PCDH11Y: variants seen among roughly 807,000 people sequenced by gnomAD.
PCDH11Y encodes protocadherin 11 Y-linked.
For synonymous variants in PCDH11Y, 9 were observed against 83.6 expected (o/e 0.11, Z 4.87); for missense variants, 12 against 224.8 (o/e 0.05, Z 6.05).
At chrY:5,679,245 C>T in intron 4 of PCDH11Y, among the ~76,000 whole-genome samples, 1 of 33,096 alleles carries the variant, frequency 3.0e-5, no homozygotes, top group Non-Finnish European at 7.4e-5. Flanking sequence ...CTTCCTTCTT[C>T]TTGAGGCAAG....
intron 2 of PCDH11Y, among the ~76,000 whole-genome samples, chrY:5,342,768 T>C: frequency 3.2e-5 from 1 of 31,634 alleles, no homozygotes; most frequent in Non-Finnish European, 7.6e-5. Context: ...GGTTTTCCCT[T>C]CATAATAATG....
chrY:5,072,199 A>G (rs2052701022), intron 1 of PCDH11Y, among the ~76,000 whole-genome samples: 1 of 31,594 alleles, frequency 3.2e-5, no homozygotes, highest in African/African-American at 1.2e-4. Flanking sequence ...AGGTTTACCT[A>G]TATATGTCCT....
intron 2 of PCDH11Y, among the ~76,000 whole-genome samples, chrY:5,254,046 G>GC (rs2053007249): frequency 9.1e-5 from 3 of 32,949 alleles, no homozygotes; most frequent in Non-Finnish European, 2.2e-4. Flanking sequence ...AGGAAATCAG[G>GC]CATTTATAAT....
chrY:5,666,472 A>G (rs2053544774), intron 4 of PCDH11Y, among the ~76,000 whole-genome samples: 1 of 34,304 alleles, frequency 2.9e-5, no homozygotes, highest in African/African-American at 1.1e-4. Context: ...AACTGTCAAG[A>G]TTCTTGGATA....
At chrY:5,348,502 T>G in intron 2 of PCDH11Y, among the ~76,000 whole-genome samples, 1 of 31,829 alleles carries the variant, frequency 3.1e-5, no homozygotes, top group Non-Finnish European at 7.6e-5. Flanking sequence ...CTTTCCTCCT[T>G]GCTTACTATA....
intron 2 of PCDH11Y, among the ~76,000 whole-genome samples, chrY:5,419,156 T>G: frequency 3.0e-5 from 1 of 33,346 alleles, no homozygotes; most frequent in Non-Finnish European, 7.4e-5. Context: ...TAAAATATGA[T>G]GATATTGAAT....
intron 4 of PCDH11Y, among the ~76,000 whole-genome samples, chrY:5,672,418 AT>A (rs2053550322): frequency 7.6e-5 from 2 of 26,368 alleles, no homozygotes; most frequent in Middle Eastern, 0.019. Context: ...TTTAACTGGG[AT>A]TTTTTTTTTT....
intron 3 of PCDH11Y, among the ~76,000 whole-genome samples, chrY:5,549,249 G>A (rs2053416026): frequency 3.2e-5 from 1 of 30,811 alleles, no homozygotes; most frequent in Non-Finnish European, 7.9e-5. Context: ...GAACTTAAAC[G>A]AATTTATAAG....
At chrY:5,059,246 C>A in intron 1 of PCDH11Y, among the ~76,000 whole-genome samples, 2 of 32,935 alleles carry the variant, frequency 6.1e-5, no homozygotes, top group African/African-American at 2.4e-4. Context: ...CCACCAGTCA[C>A]ACGTTGCTGT....
At chrY:5,001,684 G>T in intron 1 of PCDH11Y, among the ~76,000 whole-genome samples, 3 of 34,382 alleles carry the variant, frequency 8.7e-5, no homozygotes, top group African/African-American at 3.4e-4. Context: ...GACTTTAGAA[G>T]AGCGGAGCGG....
intron 2 of PCDH11Y, among the ~76,000 whole-genome samples, chrY:5,489,591 G>A: frequency 6.3e-5 from 2 of 31,804 alleles, no homozygotes; most frequent in South Asian, 1.4e-3. Context: ...TAATTATTCA[G>A]CAGATAACAA....
At chrY:5,619,532 T>A in intron 4 of PCDH11Y, among the ~76,000 whole-genome samples, 1 of 33,082 alleles carries the variant, frequency 3.0e-5, no homozygotes, top group Non-Finnish European at 7.4e-5. Flanking sequence ...CAACATCAAT[T>A]TCTACACTTA....
At chrY:5,486,315 A>G in intron 2 of PCDH11Y, among the ~76,000 whole-genome samples, 2 of 32,662 alleles carry the variant, frequency 6.1e-5, no homozygotes, top group African/African-American at 2.4e-4. Context: ...TTGGAATTCA[A>G]TTGAGCCAGG....
At chrY:5,299,812 G>C in intron 2 of PCDH11Y, among the ~76,000 whole-genome samples, 3 of 31,440 alleles carry the variant, frequency 9.5e-5, no homozygotes, top group Admixed American at 6.0e-4. Context: ...ATAATAACCA[G>C]CCATGGTATT....
chrY:5,625,476 T>TAAC (rs2053505810), intron 4 of PCDH11Y, among the ~76,000 whole-genome samples: 1 of 24,731 alleles, frequency 4.0e-5, no homozygotes, highest in South Asian at 1.0e-3. Context: ...AGAGTGAAGT[T>TAAC]AGAGTGAGCA....
At chrY:5,235,007 A>G in intron 2 of PCDH11Y, among the ~76,000 whole-genome samples, 2 of 32,063 alleles carry the variant, frequency 6.2e-5, no homozygotes, top group Non-Finnish European at 1.5e-4. Flanking sequence ...AGCCAATAAT[A>G]TGACTTTTCT....
At chrY:5,663,786 T>TACTCCCTTTGGTCTTGTCTTATGTGA (rs2053542712) in intron 4 of PCDH11Y, among the ~76,000 whole-genome samples, 1 of 30,663 alleles carries the variant, frequency 3.3e-5, no homozygotes, top group Non-Finnish European at 7.8e-5. Flanking sequence ...TTTTTTTTCT[T>TACTCCCTTTGGTCTTGTCTTATGTGA]ACTCCCTTTG....
chrY:5,249,619 G>C, intron 2 of PCDH11Y, among the ~76,000 whole-genome samples: 1 of 33,325 alleles, frequency 3.0e-5, no homozygotes, highest in African/African-American at 1.2e-4. Flanking sequence ...ATACCATTCA[G>C]GACATAGGCA....
chrY:5,146,977 G>A, intron 2 of PCDH11Y, among the ~76,000 whole-genome samples: 1 of 30,044 alleles, frequency 3.3e-5, no homozygotes, highest in Non-Finnish European at 7.9e-5. Flanking sequence ...TCCTGCTCTT[G>A]AATATCAGAC....
Sources: gnomAD v4.1 joint callset for allele counts (sites outside exome capture counted in the v4.1 genomes callset) on GRCh38, gnomAD v4.1.1 for gene constraint, MANE v1.5 for transcripts, NCBI Gene and HGNC (gene_info 2026-07-23, HGNC 2026-07-21) for gene names.